Variants in PFKP observed in about 807,000 individuals in gnomAD.
The protein encoded by PFKP is phosphofructokinase, platelet.
In PFKP, 101 loss-of-function variants were observed where a neutral mutation model predicts 94.3. The observed-to-expected ratio is 1.07, with a 90% CI of 0.91 to 1.26. The LOEUF (loss-of-function observed/expected upper bound fraction) is 1.26, where lower values mean the gene tolerates loss of function less well. Ranked by LOEUF, PFKP falls within the 50% of genes most tolerant of loss-of-function variation. The pLI is 0.00. For missense variants in PFKP, 1,145 were observed against 1,103.3 expected (o/e 1.04, Z -0.53); for synonymous variants, 573 against 432.6 (o/e 1.32, Z -4.03).
chr10:3,135,413 AGTG>A (rs1839136183), intron 20 of PFKP, among the ~76,000 whole-genome samples: 1 of 51,904 alleles, frequency 1.9e-5, no homozygotes, highest in Non-Finnish European at 4.2e-5. Flanking sequence ...TTTGCCTCTC[AGTG>A]TGTGTATGTG....
intron 16 of PFKP, among the ~76,000 whole-genome samples, chr10:3,127,421 C>T (rs951044799): frequency 1.3e-5 from 2 of 152,220 alleles, no homozygotes; most frequent in African/African-American, 4.8e-5. Flanking sequence ...TGATGTCATT[C>T]TTTGAATGAG....
Position 3,071,613 on chromosome 10 carries a change from G to C in PFKP, c.112+3906G>C, listed in dbSNP as rs986794244. On this transcript the variant is annotated intron_variant, in intron 1 of 21. Transcript: ENST00000381125. ...CAGAACACTGTGCCACACACCAAGA[G>C]TGACTCATTGTCTTAGTCACAGGTT... Among the ~76,000 whole-genome samples, 8 of 152,230 alleles carry C rather than the reference G, an allele frequency of 5.3e-5. No homozygotes were observed. The East Asian group carries it at 9.7e-4, about 18-fold the overall frequency.
chr10:3,117,809 T>C (rs771563407), intron 14 of PFKP, among the ~76,000 whole-genome samples: 2 of 152,238 alleles, frequency 1.3e-5, no homozygotes, highest in Non-Finnish European at 2.9e-5. Context: ...TAGAGAGGAC[T>C]CGCTGGCTGT....
chr10:3,115,415 T>TCCTGCAGCTGATTACA (rs1564327374), intron 13 of PFKP, among the ~76,000 whole-genome samples: 5 of 77,380 alleles, frequency 6.5e-5, no homozygotes, highest in South Asian at 6.1e-4. Flanking sequence ...TGAAGGTGTG[T>TCCTGCAGCTGATTACA]GTCCCGCCAT....
At position 3,112,423 on chromosome 10, in the gene PFKP, C is replaced by T. The variant is rs965717152; in HGVS notation, c.1154+137C>T. 2.0e-4 allele frequency: 141 copies of T among 720,988 alleles called. No homozygotes were observed. The Admixed American group carries it at 2.6e-3, about 13-fold the overall frequency. 44.7% of individuals were successfully genotyped at this position (720,988 alleles called of 1,614,324 possible). On this transcript the variant is annotated intron_variant, in intron 11 of 21. Coordinates refer to ENST00000381125, the MANE Select transcript of PFKP (RefSeq NM_002627.5). ...GAAAGTCAGGCAGTACTCACAGCACCGCTCTTGCAGTAGCAGGCCCTGGTG... is the reference window on the plus strand; with the variant it reads ...GAAAGTCAGGCAGTACTCACAGCACTGCTCTTGCAGTAGCAGGCCCTGGTG...
intron 21 of PFKP, among the ~76,000 whole-genome samples, chr10:3,136,235 A>C (rs1839304354): frequency 6.6e-6 from 1 of 152,160 alleles, no homozygotes; most frequent in Admixed American, 6.5e-5. Context: ...ACTGTACTCA[A>C]GCCTGGCGAC....
chr10:3,125,702 G>A (rs1837874772), intron 16 of PFKP, among the ~76,000 whole-genome samples: 1 of 152,222 alleles, frequency 6.6e-6, no homozygotes, highest in Admixed American at 6.5e-5. Context: ...TTAGAGAGCC[G>A]AAATCACGCC....
chr10:3,129,608 G>A (rs779660326), intron 16 of PFKP: 8 of 568,346 alleles, frequency 1.4e-5, no homozygotes, highest in Non-Finnish European at 2.2e-5. Flanking sequence ...ACCTCCAGGT[G>A]GCTGCCATGG....
At chr10:3,116,626 T>G in intron 13 of PFKP, 150 bp from the exon 14 acceptor site, 1 of 659,558 alleles carries the variant, frequency 1.5e-6, no homozygotes, top group Non-Finnish European at 2.8e-6. Context: ...CCTTGATTCA[T>G]CCGGGCATCG....
chr10:3,136,662 C>A lies in PFKP; in HGVS notation c.*83C>A. On this transcript the variant is annotated 3_prime_UTR_variant, in exon 22 of 22. Transcript: ENST00000381125. ...TAAGTTATTTTATCAGCACTTTATG[C>A]ACGTATTATTGACATTAATACCTAA... The A allele has an allele frequency of 2.1e-6, 3 of 1,463,242 alleles. No homozygotes were observed. The highest frequency in any genetic ancestry group is 1.9e-6 in the Non-Finnish European group (2 of 1,064,168). The allele number at this position is 1,463,242 out of a possible 1,614,324, so 90.6% of individuals were successfully genotyped here.
intron 17 of PFKP, among the ~76,000 whole-genome samples, chr10:3,131,082 CAT>C (rs1349055284): frequency 1.1e-4 from 17 of 151,930 alleles, no homozygotes; most frequent in African/African-American, 1.9e-4. Flanking sequence ...TTTATAAAAA[CAT>C]ATCTTTTTAC....
At chr10:3,113,944 C>G (rs1197117879) in intron 13 of PFKP, among the ~76,000 whole-genome samples, 1 of 152,088 alleles carries the variant, frequency 6.6e-6, no homozygotes, top group Non-Finnish European at 1.5e-5. Flanking sequence ...TGTGCTGTAT[C>G]CAGTTGTTCT....
intron 18 of PFKP, 72 bp from the exon 19 acceptor site, chr10:3,133,131 G>A: frequency 1.9e-6 from 2 of 1,059,934 alleles, no homozygotes; most frequent in East Asian, 2.4e-5. Context: ...GCCTCCCAGG[G>A]CCATCTCCCC....
chr10:3,109,739 T>TG (rs1835979462), intron 10 of PFKP, among the ~76,000 whole-genome samples: 1 of 151,998 alleles, frequency 6.6e-6, no homozygotes, highest in Non-Finnish European at 1.5e-5. Context: ...CTCCCCTGAG[T>TG]GGGGGTCTAG....
intron 2 of PFKP, 72 bp downstream of exon 2, chr10:3,082,533 C>A: frequency 3.7e-6 from 4 of 1,086,814 alleles, no homozygotes; most frequent in Non-Finnish European, 5.4e-6. Flanking sequence ...CCGGCGCTCG[C>A]TCACCCCTGC....
rs1460517487 is a variant in PFKP, at chr10:3,067,737, G to GGGAC, written c.112+42_112+45dup. 4.8e-6 allele frequency: 6 copies of GGGAC among 1,251,028 alleles called. No individual in the cohort carries two copies. In the East Asian group the frequency reaches 1.2e-4, roughly 26 times the overall value. 77.5% of individuals were successfully genotyped at this position (1,251,028 alleles called of 1,614,324 possible). A position where few individuals can be genotyped will look rare whatever the true frequency, so the allele number is the denominator to read the frequency against. ...GCGCCCCCCTCCCGGCGGCGAGGGAGGGACGGACGGACGGAGCTGGGGAGA... is the reference window on the plus strand; with the variant it reads ...GCGCCCCCCTCCCGGCGGCGAGGGAGGGACGGACGGACGGACGGAGCTGGGGAGA... On this transcript the variant is annotated intron_variant, in intron 1 of 21. Transcript: ENST00000381125.
At chr10:3,128,179 C>T (rs11251737) in intron 16 of PFKP, among the ~76,000 whole-genome samples, 54,810 of 151,960 alleles carry the variant, frequency 0.36, 10,781 homozygotes, top group Non-Finnish European at 0.46. Flanking sequence ...TGTGGGGGCT[C>T]GGCCGGGTGC....
At chr10:3,127,508 C>T in intron 16 of PFKP, among the ~76,000 whole-genome samples, 1 of 152,196 alleles carries the variant, frequency 6.6e-6, no homozygotes, top group East Asian at 1.9e-4. Context: ...TTTTGTGCCT[C>T]TGGGGGTCCT....
intron 2 of PFKP, among the ~76,000 whole-genome samples, chr10:3,088,882 T>G (rs962498941): frequency 2.0e-5 from 3 of 151,640 alleles, no homozygotes; most frequent in African/African-American, 7.3e-5. Context: ...CTCTGTTAGC[T>G]CCCACGTATG....
Sources: gnomAD v4.1 joint callset for allele counts (sites outside exome capture counted in the v4.1 genomes callset) on GRCh38, gnomAD v4.1.1 for gene constraint, MANE v1.5 for transcripts, NCBI Gene and HGNC (gene_info 2026-07-23, HGNC 2026-07-21) for gene names.